The following TENM1 variants were observed in gnomAD, a reference collection of about 807,000 sequenced individuals.
TENM1 encodes the protein teneurin transmembrane protein 1, also known as teneurin-1.
A neutral mutation model predicts 174.8 loss-of-function variants in TENM1; 35 were observed. That is an observed-to-expected ratio of 0.20 (90% confidence interval 0.15 to 0.27). The LOEUF (loss-of-function observed/expected upper bound fraction) is 0.27, where lower values mean the gene tolerates loss of function less well. TENM1 is among the 10% of genes least tolerant of loss of function. The probability of loss-of-function intolerance (pLI) is 1.00; values close to 1 mark genes in which losing one functional copy is unlikely to be tolerated. For synonymous variants in TENM1, 781 were observed against 798.7 expected (o/e 0.98, Z 0.37); for missense variants, 1,633 against 2,130.1 (o/e 0.77, Z 4.59).
At chrX:125,117,159 G>A in the TENM1 span, among the ~76,000 whole-genome samples, 13 of 111,669 alleles carry the variant, frequency 1.2e-4, no homozygotes, top group African/African-American at 3.9e-4. Context: ...TCTAGAACCA[G>A]AAATACCATT....
At chrX:124,682,737 T>C (rs1371979875) in intron 5 of TENM1, among the ~76,000 whole-genome samples, 1 of 110,799 alleles carries the variant, frequency 9.0e-6, no homozygotes, top group Non-Finnish European at 1.9e-5. Flanking sequence ...AGTTTAAACA[T>C]AAGCACAACA....
At chrX:124,386,611 G>A (rs922743933) in intron 28 of TENM1, among the ~76,000 whole-genome samples, 2 of 111,279 alleles carry the variant, frequency 1.8e-5, no homozygotes, top group Non-Finnish European at 3.8e-5. Context: ...AGGAGATGAC[G>A]TCAGCTATGT....
chrX:124,737,019 C>A (rs201701923), exon 4 of TENM1: 3 of 1,211,363 alleles, frequency 2.5e-6, no homozygotes, highest in East Asian at 3.0e-5. Flanking sequence ...CTGAATCCTG[C>A]GTGCTGGTTG....
chrX:124,986,326 A>G, the TENM1 span, among the ~76,000 whole-genome samples: 6 of 111,659 alleles, frequency 5.4e-5, no homozygotes, highest in African/African-American at 2.0e-4. Context: ...TGCTACTTTC[A>G]TATAACAATT....
intron 3 of TENM1, among the ~76,000 whole-genome samples, chrX:124,888,676 T>TA (rs772347576): frequency 8.9e-6 from 1 of 112,211 alleles, no homozygotes; most frequent in East Asian, 2.8e-4. Context: ...TAATACGTGA[T>TA]AACAGGTACC....
At chrX:124,883,889 G>A (rs1205888826) in intron 3 of TENM1, among the ~76,000 whole-genome samples, 1 of 111,355 alleles carries the variant, frequency 9.0e-6, no homozygotes, top group Non-Finnish European at 1.9e-5. Context: ...TTGGACACTG[G>A]TAGTGGTGGT....
the TENM1 span, among the ~76,000 whole-genome samples, chrX:124,975,760 A>T: frequency 8.9e-6 from 1 of 112,104 alleles, no homozygotes; most frequent in South Asian, 3.7e-4. Context: ...TTAATCGCAG[A>T]GGTGGATACA....
intron 16 of TENM1, among the ~76,000 whole-genome samples, chrX:124,529,079 T>C (rs774820029): frequency 9.0e-5 from 10 of 111,332 alleles, no homozygotes; most frequent in Non-Finnish European, 1.9e-4. Context: ...TTGAAGTGGC[T>C]TGTTATGAGT....
intron 23 of TENM1, among the ~76,000 whole-genome samples, chrX:124,437,127 T>C (rs2060849880): frequency 1.1e-5 from 1 of 92,530 alleles, no homozygotes; most frequent in African/African-American, 4.0e-5. Context: ...TTTTTTTTTT[T>C]TTTTTGTAGA....
intron 3 of TENM1, among the ~76,000 whole-genome samples, chrX:124,888,448 A>T: frequency 8.9e-6 from 1 of 112,202 alleles, no homozygotes; most frequent in South Asian, 3.7e-4. Context: ...GTTAACCTGC[A>T]GCCAGGTCTG....
the TENM1 span, among the ~76,000 whole-genome samples, chrX:125,140,076 G>C: frequency 7.2e-5 from 8 of 111,515 alleles, no homozygotes; most frequent in Non-Finnish European, 1.5e-4. Flanking sequence ...TAGAAACAAA[G>C]CATCCAGCAC....
the TENM1 span, among the ~76,000 whole-genome samples, chrX:125,000,760 G>T: frequency 1.9e-4 from 21 of 111,149 alleles, no homozygotes; most frequent in African/African-American, 6.8e-4. Flanking sequence ...TCATTCAAGA[G>T]ATATCTTCTG....
intron 11 of TENM1, among the ~76,000 whole-genome samples, chrX:124,569,196 T>TCAAACAAACAAACAAA (rs199921399): frequency 0.012 from 1,249 of 107,948 alleles, 10 homozygotes; most frequent in African/African-American, 0.028. Flanking sequence ...AGGCCCTGTC[T>TCAAACAAACAAACAAA]CAAACAAACA....
At chrX:125,079,714 G>A in the TENM1 span, among the ~76,000 whole-genome samples, 1 of 110,940 alleles carries the variant, frequency 9.0e-6, no homozygotes, top group Admixed American at 9.6e-5. Context: ...ATTTTTCATG[G>A]GATTGAGAAA....
intron 15 of TENM1, among the ~76,000 whole-genome samples, chrX:124,543,153 C>T (rs755849058): frequency 1.5e-4 from 17 of 112,520 alleles, no homozygotes; most frequent in African/African-American, 5.5e-4. Flanking sequence ...AGAGGGGCAG[C>T]TGGCCCTTAA....
intron 1 of TENM1, among the ~76,000 whole-genome samples, chrX:124,901,851 T>C (rs1433469721): frequency 3.6e-5 from 4 of 111,496 alleles, no homozygotes; most frequent in African/African-American, 1.3e-4. Flanking sequence ...AAATAAGTAA[T>C]TGGAAGTCAA....
At chrX:124,661,006 T>G (rs1418060112) in intron 6 of TENM1, among the ~76,000 whole-genome samples, 1 of 112,276 alleles carries the variant, frequency 8.9e-6, no homozygotes, top group Non-Finnish European at 1.9e-5. Flanking sequence ...AATGAATGGA[T>G]AAACAAAATT....
intron 3 of TENM1, among the ~76,000 whole-genome samples, chrX:124,817,429 G>A (rs1248920109): frequency 8.9e-6 from 1 of 111,829 alleles, no homozygotes; most frequent in Non-Finnish European, 1.9e-5. Context: ...CATATTTCAT[G>A]TATTCCTGAA....
intron 16 of TENM1, among the ~76,000 whole-genome samples, chrX:124,524,113 T>A (rs1325941955): frequency 1.8e-5 from 2 of 110,725 alleles, no homozygotes; most frequent in African/African-American, 6.6e-5. Context: ...TGACCTTAGA[T>A]GATTCACCCG....
Sources: allele counts gnomAD v4.1 joint callset (sites outside exome capture counted in the v4.1 genomes callset), GRCh38; gene constraint gnomAD v4.1.1; transcripts MANE v1.5; gene names NCBI Gene and HGNC (gene_info 2026-07-23, HGNC 2026-07-21).